Variants in BLTP2 observed in about 807,000 individuals in gnomAD.
BLTP2 encodes bridge-like lipid transfer protein family member 2.
the BLTP2 span, among the ~76,000 whole-genome samples, chr17:28,626,025 A>G: frequency 6.6e-6 from 1 of 152,180 alleles, no homozygotes; most frequent in African/African-American, 2.4e-5. Flanking sequence ...GGCCTCCCAA[A>G]GTGCTGGGAC....
the BLTP2 span, among the ~76,000 whole-genome samples, chr17:28,618,179 T>C: frequency 6.6e-6 from 1 of 152,078 alleles, no homozygotes; most frequent in Non-Finnish European, 1.5e-5. Flanking sequence ...GTGATGCACC[T>C]GCCTCGGCCT....
the BLTP2 span, chr17:28,615,720 A>T: frequency 6.2e-7 from 1 of 1,614,210 alleles, no homozygotes; most frequent in Non-Finnish European, 8.5e-7. Context: ...AAGTCTAGCC[A>T]TGTCCATGTG....
chr17:28,642,316 AG>A, the BLTP2 span: 1 of 1,614,204 alleles, frequency 6.2e-7, no homozygotes, highest in Non-Finnish European at 8.5e-7. Context: ...ATCTTACATA[AG>A]CTCACCTCAC....
chr17:28,645,134 G>A, the BLTP2 span: 18 of 1,239,740 alleles, frequency 1.5e-5, no homozygotes, highest in South Asian at 2.0e-5. Flanking sequence ...CAGCACCGCC[G>A]CGGGCCGACC....
the BLTP2 span, chr17:28,635,327 C>T: frequency 2.5e-6 from 4 of 1,614,188 alleles, no homozygotes; most frequent in Admixed American, 5.0e-5. Context: ...ACACTCTCTG[C>T]AGCCAGGGTA....
the BLTP2 span, chr17:28,617,452 A>T: frequency 1.6e-6 from 1 of 623,386 alleles, no homozygotes; most frequent in East Asian, 2.8e-5. Flanking sequence ...CTTCAAACTC[A>T]TACAATCAAC....
At chr17:28,633,887 C>T in the BLTP2 span, 13 of 1,613,918 alleles carry the variant, frequency 8.1e-6, no homozygotes, top group Non-Finnish European at 1.1e-5. Flanking sequence ...TGCCTCATCT[C>T]TACTCACAGT....
chr17:28,635,872 C>A, the BLTP2 span: 1 of 395,600 alleles, frequency 2.5e-6, no homozygotes, highest in Non-Finnish European at 4.6e-6. Flanking sequence ...AAAATAGGGG[C>A]CATGTGTCTT....
chr17:28,616,732 T>C, the BLTP2 span: 1 of 1,614,222 alleles, frequency 6.2e-7, no homozygotes, highest in Non-Finnish European at 8.5e-7. This position sits in a 1 kb window ranked among gnomAD's most constrained non-coding sequence, Gnocchi z 4.8. Flanking sequence ...GTCAGCTGGA[T>C]GGTGAGAGGC....
chr17:28,637,317 C>T, the BLTP2 span: 11 of 686,634 alleles, frequency 1.6e-5, no homozygotes, highest in Non-Finnish European at 2.5e-5. Context: ...TAAACTTTCC[C>T]TTTCCCATCT....
At chr17:28,616,831 A>G in the BLTP2 span, 1 of 1,606,140 alleles carries the variant, frequency 6.2e-7, no homozygotes, top group African/African-American at 1.3e-5. This position sits in a 1 kb window ranked among gnomAD's most constrained non-coding sequence, Gnocchi z 4.8. Flanking sequence ...ATCGTGTAAC[A>G]CACAGGTGGC....
chr17:28,638,774 C>G, the BLTP2 span: 2 of 627,284 alleles, frequency 3.2e-6, no homozygotes, highest in African/African-American at 3.6e-5. Flanking sequence ...CGAGACACAC[C>G]TAGAAGATAA....
the BLTP2 span, chr17:28,634,455 GAGAGCTCCCCAGA>G: frequency 6.6e-7 from 1 of 1,505,152 alleles, no homozygotes; most frequent in Non-Finnish European, 9.0e-7. Context: ...TGAAATCACT[GAGAGCTCCCCAGA>G]GCTCAGCGGG....
At chr17:28,633,144 G>A in the BLTP2 span, 3 of 1,579,620 alleles carry the variant, frequency 1.9e-6, no homozygotes, top group East Asian at 4.5e-5. Context: ...GCAGGTGAAG[G>A]AAGCAGCAGT....
chr17:28,628,129 C>T, the BLTP2 span: 1 of 737,044 alleles, frequency 1.4e-6, no homozygotes. Flanking sequence ...ACTTAGGTGG[C>T]CTAAGAAGGA....
chr17:28,643,349 C>T, the BLTP2 span: 13 of 1,612,180 alleles, frequency 8.1e-6, no homozygotes, highest in Admixed American at 1.7e-5. Flanking sequence ...CCAGGTCCAT[C>T]CCTCCCATAG....
chr17:28,632,671 A>G, the BLTP2 span, among the ~76,000 whole-genome samples: 1 of 152,102 alleles, frequency 6.6e-6, no homozygotes, highest in South Asian at 2.1e-4. Flanking sequence ...GCTCTTTTTG[A>G]TCTTCGACTT....
chr17:28,640,803 G>T, the BLTP2 span: 1 of 901,102 alleles, frequency 1.1e-6, no homozygotes. Flanking sequence ...AAATGCCTAA[G>T]CTGGATGGAC....
chr17:28,635,043 C>A, the BLTP2 span: 1 of 1,613,514 alleles, frequency 6.2e-7, no homozygotes, highest in Middle Eastern at 1.6e-4. Flanking sequence ...GTAGTCCCTT[C>A]AGCCACTTCT....
Sources: allele counts gnomAD v4.1 joint callset (sites outside exome capture counted in the v4.1 genomes callset), GRCh38; gene constraint gnomAD v4.1.1; non-coding constraint Gnocchi (gnomAD v3.1); transcripts MANE v1.5; gene names NCBI Gene and HGNC (gene_info 2026-07-23, HGNC 2026-07-21).